RBFOX1: variants seen among roughly 807,000 people sequenced by gnomAD.
RBFOX1 encodes RNA binding protein fox-1 homolog 1.
In RBFOX1, 8 loss-of-function variants were observed where a neutral mutation model predicts 57.7. The ratio of observed to expected loss-of-function variants is 0.14; its 90% CI spans 0.08 to 0.25. The LOEUF (loss-of-function observed/expected upper bound fraction) is 0.25, where lower values mean the gene tolerates loss of function less well. Among genes scored for constraint, RBFOX1 ranks in the 10% least tolerant of loss-of-function variants. The pLI is 1.00. For synonymous variants in RBFOX1, 326 were observed against 222.4 expected (o/e 1.47, Z -4.15); for missense variants, 611 against 548.5 (o/e 1.11, Z -1.14).
chr16:6,160,683 T>A (rs2096871605), intron 1 of RBFOX1, among the ~76,000 whole-genome samples: 1 of 152,188 alleles, frequency 6.6e-6, no homozygotes, highest in Admixed American at 6.5e-5. Context: ...TCATCCTTGC[T>A]TGCAAGGCTC....
intron 4 of RBFOX1, among the ~76,000 whole-genome samples, chr16:5,877,803 C>G (rs574432962): frequency 1.3e-5 from 2 of 152,198 alleles, no homozygotes; most frequent in Non-Finnish European, 2.9e-5. Flanking sequence ...AGGGTGGTAA[C>G]TTCCAGGTCC....
intron 2 of RBFOX1, among the ~76,000 whole-genome samples, chr16:6,493,801 G>A (rs2095691634): frequency 2.0e-5 from 3 of 152,168 alleles, no homozygotes; most frequent in Non-Finnish European, 4.4e-5. Flanking sequence ...ACTTCACTCG[G>A]CAGATTTCAC....
intron 2 of RBFOX1, among the ~76,000 whole-genome samples, chr16:6,422,145 A>G (rs1415061046): frequency 6.7e-6 from 1 of 149,460 alleles, no homozygotes; most frequent in East Asian, 2.0e-4. Context: ...CTGGTCTCAA[A>G]CTCCTGACCT....
chr16:7,039,512 T>C (rs1190910304), intron 3 of RBFOX1, among the ~76,000 whole-genome samples: 1 of 152,186 alleles, frequency 6.6e-6, no homozygotes, highest in Non-Finnish European at 1.5e-5. Flanking sequence ...TTGTGACTTT[T>C]TGTTTTTACT....
At chr16:6,732,278 G>A (rs4525489) in intron 3 of RBFOX1, among the ~76,000 whole-genome samples, 137,854 of 152,214 alleles carry the variant, frequency 0.91, 64,055 homozygotes, top group East Asian at 1. Context: ...AGAATCCACA[G>A]TGAAATTCCA....
At chr16:7,354,816 G>A (rs1404307109) in intron 4 of RBFOX1, among the ~76,000 whole-genome samples, 1 of 152,186 alleles carries the variant, frequency 6.6e-6, no homozygotes, top group Non-Finnish European at 1.5e-5. Flanking sequence ...TGTGGTTTGT[G>A]TTGGTTGTAC....
rs549340983 is a variant in RBFOX1, at chr16:5,662,051, G to C, written c.318+63090G>C. On this transcript the variant is annotated intron_variant, in intron 3 of 19. Coordinates refer to the RBFOX1 transcript ENST00000641259. ...TCCACTCACCTCGGCCTCCCAAAGT[G>C]CTGGGATTACAGGCATGAGCTACCG... is the stretch of plus-strand genomic sequence containing the variant. Among the ~76,000 whole-genome samples, 61 of 152,232 alleles carry C rather than the reference G, an allele frequency of 4.0e-4. No individual in the cohort carries two copies. In the South Asian group the frequency reaches 6.6e-3, roughly 17 times the overall value.
intron 1 of RBFOX1, among the ~76,000 whole-genome samples, chr16:6,184,284 C>G (rs745706733): frequency 3.9e-5 from 6 of 152,060 alleles, no homozygotes; most frequent in Admixed American, 1.3e-4. Context: ...ATGTTGAGCA[C>G]ATGAGCAACA....
At chr16:6,432,375 A>G (rs1283893806) in intron 2 of RBFOX1, among the ~76,000 whole-genome samples, 1 of 152,116 alleles carries the variant, frequency 6.6e-6, no homozygotes, top group African/African-American at 2.4e-5. Context: ...CTTCAATAAG[A>G]ATAATATTTA....
At chr16:6,795,291 A>C (rs2083748308) in intron 3 of RBFOX1, among the ~76,000 whole-genome samples, 2 of 152,102 alleles carry the variant, frequency 1.3e-5, no homozygotes, top group African/African-American at 4.8e-5. Context: ...GGGCCTTGAG[A>C]GCTCATCTAA....
At chr16:6,424,574 G>A (rs547985185) in intron 2 of RBFOX1, among the ~76,000 whole-genome samples, 1 of 150,890 alleles carries the variant, frequency 6.6e-6, no homozygotes, top group East Asian at 1.9e-4. Flanking sequence ...ATAGTGCTGA[G>A]GTTGAGAAAC....
intron 1 of RBFOX1, among the ~76,000 whole-genome samples, chr16:6,225,083 G>C (rs918532300): frequency 1.3e-5 from 2 of 150,744 alleles, no homozygotes; most frequent in African/African-American, 4.9e-5. Flanking sequence ...CCCCAGTCCT[G>C]TGTAGGCTCC....
intron 4 of RBFOX1, among the ~76,000 whole-genome samples, chr16:7,445,117 G>C (rs1389042763): frequency 6.6e-6 from 1 of 151,868 alleles, no homozygotes; most frequent in African/African-American, 2.4e-5. Flanking sequence ...TGCTGATGAG[G>C]AATGTGGTAC....
intron 1 of RBFOX1, among the ~76,000 whole-genome samples, chr16:5,272,027 C>G (rs1278634422): frequency 6.6e-6 from 1 of 152,144 alleles, no homozygotes; most frequent in Non-Finnish European, 1.5e-5. Flanking sequence ...GATTCTATAT[C>G]TTGGGTATTG....
intron 3 of RBFOX1, among the ~76,000 whole-genome samples, chr16:5,610,965 C>T (rs932841643): frequency 2.0e-5 from 3 of 152,202 alleles, no homozygotes; most frequent in African/African-American, 7.2e-5. Context: ...GGTTCTCAGG[C>T]TAAAATCCAA....
exon 3 of RBFOX1, chr16:5,599,253 G>C: frequency 1.5e-6 from 1 of 674,366 alleles, no homozygotes. Context: ...TTGGTGACAA[G>C]GCTGCAAATT....
chr16:6,566,289 C>A (rs982595479), intron 2 of RBFOX1, among the ~76,000 whole-genome samples: 1 of 152,096 alleles, frequency 6.6e-6, no homozygotes, highest in Admixed American at 6.5e-5. Context: ...TCATGGCGAA[C>A]AGCTATGCCT....
chr16:6,516,755 G>A (rs1007254705), intron 2 of RBFOX1, among the ~76,000 whole-genome samples: 1 of 152,154 alleles, frequency 6.6e-6, no homozygotes, highest in Non-Finnish European at 1.5e-5. Context: ...GTGGTTTGGG[G>A]TAACTTCGAT....
chr16:7,676,930 A>G (rs760440223), intron 14 of RBFOX1, 92 bp downstream of exon 14: 20 of 1,314,006 alleles, frequency 1.5e-5, no homozygotes, highest in Non-Finnish European at 2.1e-5. Context: ...GTGAAACTGC[A>G]TGACTGCTGG....
Sources: allele counts gnomAD v4.1 joint callset (sites outside exome capture counted in the v4.1 genomes callset), GRCh38; gene constraint gnomAD v4.1.1; transcripts MANE v1.5; gene names NCBI Gene and HGNC (gene_info 2026-07-23, HGNC 2026-07-21).